Variants in ZNF362 observed in about 807,000 individuals in gnomAD.
The protein encoded by ZNF362 is rotund homolog.
ZNF362 carries 11 observed loss-of-function variants against 42.9 expected under a neutral mutation model. The ratio of observed to expected loss-of-function variants is 0.26; its 90% CI spans 0.16 to 0.42. The LOEUF is 0.42. Among genes scored for constraint, ZNF362 ranks in the 20% least tolerant of loss-of-function variants. ZNF362 has a pLI of 1.00. For missense variants in ZNF362, 362 were observed against 576.2 expected (o/e 0.63, Z 3.81); for synonymous variants, 255 against 257.3 (o/e 0.99, Z 0.09).
At chr1:33,241,033 TAATCCAAAGGGGG>T in the ZNF362 span, among the ~76,000 whole-genome samples, 688 of 152,114 alleles carry the variant, frequency 4.5e-3, 8 homozygotes, top group Non-Finnish European at 3.4e-3. Flanking sequence ...AAGTGCTGGG[TAATCCAAAGGGGG>T]AATCTGTTGA....
the ZNF362 span, among the ~76,000 whole-genome samples, chr1:33,217,712 A>G: frequency 3.3e-5 from 5 of 152,326 alleles, no homozygotes; most frequent in South Asian, 1.0e-3. Flanking sequence ...ATTTAAGTGA[A>G]ATCTTATTAT....
intron 8 of ZNF362, among the ~76,000 whole-genome samples, chr1:33,296,124 C>T (rs1395007668): frequency 6.6e-6 from 1 of 152,170 alleles, no homozygotes; most frequent in East Asian, 1.9e-4. Flanking sequence ...AACTGTTTGA[C>T]GGGAAATTGT....
At chr1:33,290,822 G>A (rs539490563) in intron 6 of ZNF362, among the ~76,000 whole-genome samples, 3 of 152,348 alleles carry the variant, frequency 2.0e-5, no homozygotes, top group African/African-American at 7.2e-5. Context: ...CAGTGATGAT[G>A]AGCATTTTTT....
Position 33,298,900 on chromosome 1 carries a change from C to T in ZNF362, c.1147-30C>T, listed in dbSNP as rs776548445. On this transcript the variant is annotated intron_variant, in intron 8 of 8. Transcript: ENST00000539719. ...TCTTCTCCCTCCCTTGCTGGTGGTT[C>T]CCTGTTCTGAATCTCATCCCTGCCC... is the stretch of plus-strand genomic sequence containing the variant. 65 of 1,589,914 alleles carry T rather than the reference C, an allele frequency of 4.1e-5. No individual in the cohort carries two copies. In the Middle Eastern group the frequency reaches 9.9e-4, roughly 24 times the overall value.
chr1:33,182,474 T>A, the ZNF362 span, among the ~76,000 whole-genome samples: 927 of 152,370 alleles, frequency 6.1e-3, 10 homozygotes, highest in African/African-American at 0.021. Context: ...CTCACACTCC[T>A]AAGCCCTGGG....
At chr1:33,130,991 A>G in the ZNF362 span, among the ~76,000 whole-genome samples, 1 of 152,154 alleles carries the variant, frequency 6.6e-6, no homozygotes, top group African/African-American at 2.4e-5. Flanking sequence ...GAGGGATGGT[A>G]TTTGCTAGAG....
rs1645989859 is a variant in ZNF362 at position 33,281,006 on chromosome 1, C to T, written c.683+549C>T. On this transcript the variant is annotated intron_variant, in intron 5 of 8. Coordinates refer to ENST00000539719, the MANE Select transcript of ZNF362 (RefSeq NM_152493.3). The surrounding 1 kb of genome is among the most constrained non-coding windows in gnomAD (Gnocchi z 4.8). ...ATAACTCGAACTTGGGAGGCAGAGG[C>T]TGCAGTGAGCCGAGGTCGGGCCACT... 1.3e-5 allele frequency among the ~76,000 whole-genome samples: 2 copies of T among 152,120 alleles called. No individual in the cohort carries two copies. Among genetic ancestry groups the T allele is most frequent in the African/African-American group, 4.8e-5 (2 of 41,426 alleles).
intron 1 of ZNF362, among the ~76,000 whole-genome samples, chr1:33,265,877 C>T (rs1454270020): frequency 1.3e-5 from 2 of 152,204 alleles, no homozygotes; most frequent in African/African-American, 2.4e-5. Flanking sequence ...CCAGCCACCC[C>T]ACCCTTCTTC....
chr1:33,146,880 CCCT>C, the ZNF362 span: 1 of 436,028 alleles, frequency 2.3e-6, no homozygotes, highest in Non-Finnish European at 4.2e-6. Context: ...AGTCCCCTGC[CCCT>C]GAGAAGATGG....
chr1:33,236,163 G>T, the ZNF362 span, among the ~76,000 whole-genome samples: 1 of 151,956 alleles, frequency 6.6e-6, no homozygotes, highest in Non-Finnish European at 1.5e-5. Flanking sequence ...CTGGATTAGC[G>T]CAATGAATTA....
At chr1:33,295,438 T>TG (rs1482792685) in intron 8 of ZNF362, 133 bp downstream of exon 8, 1 of 1,183,544 alleles carries the variant, frequency 8.4e-7, no homozygotes, top group Non-Finnish European at 1.2e-6. Flanking sequence ...AGAAGGGAAG[T>TG]GACACCCTGA....
At chr1:33,159,583 G>T in the ZNF362 span, 2 of 1,425,308 alleles carry the variant, frequency 1.4e-6, no homozygotes, top group Non-Finnish European at 1.9e-6. The surrounding 1 kb of genome is among the most constrained non-coding windows in gnomAD (Gnocchi z 4.2). Flanking sequence ...AGATTTGAAT[G>T]AAAGAATTCT....
the ZNF362 span, among the ~76,000 whole-genome samples, chr1:33,220,810 GC>G: frequency 5.3e-5 from 8 of 152,328 alleles, no homozygotes; most frequent in African/African-American, 1.7e-4. Context: ...AAGCAACCCA[GC>G]GGGTGTGGGT....
At chr1:33,275,261 C>T in intron 2 of ZNF362, 1 of 985,426 alleles carries the variant, frequency 1.0e-6, no homozygotes, top group Non-Finnish European at 1.2e-6. Flanking sequence ...GCCCTGAAGG[C>T]CCATCCTTCA....
the ZNF362 span, among the ~76,000 whole-genome samples, chr1:33,161,430 A>G: frequency 6.6e-6 from 1 of 152,142 alleles, no homozygotes; most frequent in Non-Finnish European, 1.5e-5. This position sits in a 1 kb window ranked among gnomAD's most constrained non-coding sequence, Gnocchi z 4.3. Context: ...TGGAGTCAGA[A>G]ACCCCACTGT....
chr1:33,256,376 C>T (rs1408324587), upstream of ZNF362, among the ~76,000 whole-genome samples: 33 of 140,726 alleles, frequency 2.3e-4, no homozygotes, highest in South Asian at 2.5e-3. Flanking sequence ...CGACGCGGCC[C>T]CCCCGGAGCC....
At chr1:33,278,357 TTATTA>T (rs1391520493) in intron 4 of ZNF362, among the ~76,000 whole-genome samples, 1 of 152,226 alleles carries the variant, frequency 6.6e-6, no homozygotes, top group Non-Finnish European at 1.5e-5. Flanking sequence ...GTTCCACTTT[TTATTA>T]TAAAGGTAAT....
At chr1:33,276,252 G>C in intron 3 of ZNF362, 89 bp downstream of exon 3, 4 of 1,587,168 alleles carry the variant, frequency 2.5e-6, no homozygotes, top group Non-Finnish European at 2.6e-6. Context: ...GCGGGGAGCG[G>C]GGTGAGGAGC....
At chr1:33,298,879 C>A in intron 8 of ZNF362, 51 bp from the exon 9 acceptor site, 1 of 1,521,652 alleles carries the variant, frequency 6.6e-7, no homozygotes, top group Non-Finnish European at 9.1e-7. Flanking sequence ...GCAGCCTCTT[C>A]TCCCTCCCTT....
Sources: allele counts gnomAD v4.1 joint callset (sites outside exome capture counted in the v4.1 genomes callset), GRCh38; gene constraint gnomAD v4.1.1; non-coding constraint Gnocchi (gnomAD v3.1); transcripts MANE v1.5; gene names NCBI Gene and HGNC (gene_info 2026-07-23, HGNC 2026-07-21).